CDH4: variants seen among roughly 807,000 people sequenced by gnomAD.
CDH4 encodes the protein cadherin-4.
A neutral mutation model predicts 86.0 loss-of-function variants in CDH4; 33 were observed. The ratio of observed to expected loss-of-function variants is 0.38; its 90% CI spans 0.29 to 0.51. The LOEUF (loss-of-function observed/expected upper bound fraction) is 0.51. Among genes scored for constraint, CDH4 ranks in the 20% least tolerant of loss-of-function variants. The pLI, the probability that CDH4 is intolerant of heterozygous loss-of-function variation, is 0.86. For missense variants in CDH4, 1,114 were observed against 1,307.4 expected, an observed-to-expected ratio of 0.85 and a Z score of 2.28; for synonymous variants, 555 against 549.4, an observed-to-expected ratio of 1.01 and a Z score of -0.14.
chr20:61,351,916 C>T (rs2084715175), intron 2 of CDH4, among the ~76,000 whole-genome samples: 1 of 152,060 alleles, frequency 6.6e-6, no homozygotes, highest in South Asian at 2.1e-4. Flanking sequence ...GGGGTTTCAC[C>T]ATGTTGGCCA....
chr20:61,786,310 C>T (rs1978878118), intron 4 of CDH4, among the ~76,000 whole-genome samples: 1 of 152,162 alleles, frequency 6.6e-6, no homozygotes, highest in Non-Finnish European at 1.5e-5. Flanking sequence ...GAGTGTGGTT[C>T]TGAAGACGCA....
chr20:61,588,107 C>T (rs1038135554), intron 2 of CDH4, among the ~76,000 whole-genome samples: 3 of 152,208 alleles, frequency 2.0e-5, no homozygotes, highest in Non-Finnish European at 4.4e-5. Flanking sequence ...GAGAAGCCAG[C>T]GTGCAGAGAC....
chr20:61,509,991 T>C (rs2085768151), intron 2 of CDH4, among the ~76,000 whole-genome samples: 1 of 152,158 alleles, frequency 6.6e-6, no homozygotes, highest in African/African-American at 2.4e-5. Context: ...TTAAAATCAA[T>C]TGTAAAGTTA....
intron 2 of CDH4, among the ~76,000 whole-genome samples, chr20:61,408,660 G>A (rs1331806450): frequency 5.3e-5 from 8 of 152,144 alleles, no homozygotes; most frequent in Middle Eastern, 3.2e-3. Context: ...GAGGTGAGGC[G>A]TGGAGCAGCC....
At chr20:61,863,853 G>A (rs559593501) in intron 6 of CDH4, among the ~76,000 whole-genome samples, 2 of 152,176 alleles carry the variant, frequency 1.3e-5, no homozygotes, top group Admixed American at 6.5e-5. Context: ...GGCCACAGAG[G>A]CTCCTGCGGA....
At chr20:61,885,149 T>C (rs1255496080) in intron 7 of CDH4, among the ~76,000 whole-genome samples, 1 of 152,228 alleles carries the variant, frequency 6.6e-6, no homozygotes, top group African/African-American at 2.4e-5. Context: ...CGTTCGTGCC[T>C]GTGCCTTGAG....
chr20:61,341,451 C>T (rs1291062984), intron 2 of CDH4, among the ~76,000 whole-genome samples: 1 of 151,412 alleles, frequency 6.6e-6, no homozygotes, highest in East Asian at 1.9e-4. Context: ...TGTGAAGTAG[C>T]CAAAAAAGTA....
At chr20:61,818,584 A>C (rs887856954) in intron 4 of CDH4, among the ~76,000 whole-genome samples, 2 of 151,814 alleles carry the variant, frequency 1.3e-5, no homozygotes, top group African/African-American at 4.8e-5. Context: ...GGGCTGAGAC[A>C]GGAGGATTGC....
chr20:61,933,404 C>G (rs111573383), intron 14 of CDH4, among the ~76,000 whole-genome samples: 2 of 152,306 alleles, frequency 1.3e-5, no homozygotes, highest in African/African-American at 4.8e-5. Flanking sequence ...GGGGAGGGGG[C>G]TCCGGGTTGG....
At chr20:61,685,123 C>T (rs575340872) in intron 2 of CDH4, among the ~76,000 whole-genome samples, 1 of 152,332 alleles carries the variant, frequency 6.6e-6, no homozygotes, top group South Asian at 2.1e-4. Context: ...AATACACCTT[C>T]TGTCTTTCCG....
At chr20:61,886,012 C>A (rs1312973868) in intron 7 of CDH4, among the ~76,000 whole-genome samples, 1 of 152,228 alleles carries the variant, frequency 6.6e-6, no homozygotes, top group Non-Finnish European at 1.5e-5. Context: ...GGCTCTGGCT[C>A]ACCCAGAAGG....
At chr20:61,723,751 G>A (rs553980771) in intron 2 of CDH4, among the ~76,000 whole-genome samples, 1 of 152,352 alleles carries the variant, frequency 6.6e-6, no homozygotes, top group South Asian at 2.1e-4. Flanking sequence ...ATAGTTGGCA[G>A]CCAACCAGAG....
intron 2 of CDH4, among the ~76,000 whole-genome samples, chr20:61,639,736 G>A (rs1258899081): frequency 3.3e-5 from 5 of 151,886 alleles, no homozygotes; most frequent in Non-Finnish European, 5.9e-5. Flanking sequence ...CAGCGCAGAA[G>A]GCTCGAGCTT....
intron 2 of CDH4, among the ~76,000 whole-genome samples, chr20:61,691,115 C>T (rs1239394580): frequency 6.6e-6 from 1 of 152,178 alleles, no homozygotes; most frequent in Admixed American, 6.5e-5. Context: ...CCCTCCCCAC[C>T]CCTCGGCCAG....
chr20:61,648,382 G>T (rs565206493), intron 2 of CDH4, among the ~76,000 whole-genome samples: 23 of 152,274 alleles, frequency 1.5e-4, no homozygotes, highest in African/African-American at 5.5e-4. Context: ...GTGCAGACAG[G>T]ATTTCTCACT....
intron 2 of CDH4, among the ~76,000 whole-genome samples, chr20:61,661,013 A>G (rs1298259193): frequency 7.0e-6 from 1 of 143,340 alleles, no homozygotes; most frequent in Non-Finnish European, 1.5e-5. Context: ...AAAAAATTCT[A>G]GTGGCTTTAA....
At chr20:61,472,723 C>A (rs2085511989) in intron 2 of CDH4, among the ~76,000 whole-genome samples, 2 of 152,168 alleles carry the variant, frequency 1.3e-5, no homozygotes, top group Non-Finnish European at 2.9e-5. Context: ...TGGGAGACAT[C>A]ATTATTAATT....
Position 61,890,415 on chromosome 20 carries a change from TGATGGATGGATAGATGACGGGTGGATG to T in CDH4, c.1051-4482_1051-4456del, listed in dbSNP as rs1360266387. ...GTAGATGGGTGGATGGATGGATGGATGATGGATGGATAGATGACGGGTGGATGGATGGATGGATAAATGGATGATGGA... is the reference window on the plus strand; with the variant it reads ...GTAGATGGGTGGATGGATGGATGGATGATGGATGGATAAATGGATGATGGA... On this transcript the variant is annotated intron_variant, in intron 7 of 15. Transcript: ENST00000614565. 3.7e-4 allele frequency among the ~76,000 whole-genome samples: 55 copies of T among 149,216 alleles called. No individual in the cohort carries two copies. In the East Asian group the frequency reaches 9.9e-3, roughly 27 times the overall value.
chr20:61,424,807 G>A (rs555154070), intron 2 of CDH4, among the ~76,000 whole-genome samples: 1 of 152,320 alleles, frequency 6.6e-6, no homozygotes, highest in East Asian at 1.9e-4. Context: ...CATTTGCCCC[G>A]CCTGTTTCCC....
Sources: gnomAD v4.1 joint callset for allele counts (sites outside exome capture counted in the v4.1 genomes callset) on GRCh38, gnomAD v4.1.1 for gene constraint, MANE v1.5 for transcripts, NCBI Gene and HGNC (gene_info 2026-07-23, HGNC 2026-07-21) for gene names.